The following CLIC4 variants were observed in gnomAD, a reference collection of about 807,000 sequenced individuals.
CLIC4 encodes chloride intracellular channel protein 4.
In CLIC4, 13 loss-of-function variants were observed where a neutral mutation model predicts 24.6. The observed-to-expected ratio is 0.53, with a 90% confidence interval of 0.34 to 0.84. CLIC4 has a LOEUF of 0.84. Ranked by LOEUF, CLIC4 falls within the 40% of genes least tolerant of loss-of-function variation. CLIC4 has a pLI of 0.01. For synonymous variants in CLIC4, 104 were observed against 111.3 expected (o/e 0.93, Z 0.41); for missense variants, 227 against 301.7 (o/e 0.75, Z 1.83).
intron 3 of CLIC4, among the ~76,000 whole-genome samples, chr1:24,814,709 C>T (rs149256234): frequency 2.6e-5 from 4 of 152,324 alleles, no homozygotes; most frequent in African/African-American, 9.6e-5. Context: ...TTTTTATTTA[C>T]TTACTTCTTT....
intron 3 of CLIC4, among the ~76,000 whole-genome samples, chr1:24,816,173 T>C (rs1270465621): frequency 6.6e-6 from 1 of 150,750 alleles, no homozygotes; most frequent in Non-Finnish European, 1.5e-5. Flanking sequence ...AGAATCCACT[T>C]CCTCCAAACT....
At chr1:24,793,131 T>A (rs1043447633) in intron 1 of CLIC4, 2 of 149,698 alleles carry the variant, frequency 1.3e-5, no homozygotes, top group Admixed American at 1.4e-4. Context: ...TGAGTCAGAC[T>A]AGTTCTTTGT....
At chr1:24,780,788 G>A (rs959612534) in intron 1 of CLIC4, among the ~76,000 whole-genome samples, 7 of 152,256 alleles carry the variant, frequency 4.6e-5, no homozygotes, top group African/African-American at 1.4e-4. Flanking sequence ...GAGAAGCTGG[G>A]ATAGAAACTG....
At chr1:24,792,183 T>G (rs925257852) in intron 1 of CLIC4, among the ~76,000 whole-genome samples, 3 of 151,228 alleles carry the variant, frequency 2.0e-5, no homozygotes, top group African/African-American at 7.3e-5. Context: ...TGTGTGTGTA[T>G]ATATATAATA....
At chr1:24,840,121 A>G (rs1425688315) in intron 5 of CLIC4, 80 bp downstream of exon 5, 2 of 1,349,396 alleles carry the variant, frequency 1.5e-6, no homozygotes, top group Non-Finnish European at 2.1e-6. Flanking sequence ...TGTGCTCAAA[A>G]CATTTCTGAT....
At chr1:24,799,169 C>T (rs1487927289) in intron 2 of CLIC4, among the ~76,000 whole-genome samples, 6 of 150,518 alleles carry the variant, frequency 4.0e-5, no homozygotes, top group Admixed American at 1.3e-4. Context: ...GGAGCGTCTC[C>T]GCCTGGCCGC....
rs777202508 is a variant in CLIC4, at chr1:24,814,172, T to A, written c.261T>A (p.Asp87Glu). ...CTTTCAACAGTGAAGTCAAAACGGATGTAAATAAGATTGAGGAATTTCTTG... is the reference window on the plus strand; with the variant it reads ...CTTTCAACAGTGAAGTCAAAACGGAAGTAAATAAGATTGAGGAATTTCTTG... ...FITFNSEVKT[D>E]VNKIEEFLEE... The change falls in exon 3 of 6, where the codon GAT becomes GAA. Residue 87 changes from aspartate to glutamate, a missense_variant. Asp to Glu is a conservative substitution (Grantham distance 45). Transcript: ENST00000374379. 1.2e-6 allele frequency: 2 copies of A among 1,614,088 alleles called. No homozygotes were observed. Among genetic ancestry groups the A allele is most frequent in the Non-Finnish European group, 1.7e-6 (2 of 1,179,972 alleles).
chr1:24,792,023 T>G (rs1234525412), intron 1 of CLIC4, among the ~76,000 whole-genome samples: 2 of 144,418 alleles, frequency 1.4e-5, no homozygotes, highest in Non-Finnish European at 3.0e-5. Flanking sequence ...TACTCCAGCC[T>G]GGGCAACAGA....
At chr1:24,794,432 C>G (rs1639375065) in intron 1 of CLIC4, among the ~76,000 whole-genome samples, 1 of 149,388 alleles carries the variant, frequency 6.7e-6, no homozygotes, top group Non-Finnish European at 1.5e-5. Context: ...TTGTTTTTCT[C>G]TAATGATCAG....
At chr1:24,766,066 C>T (rs1021583552) in intron 1 of CLIC4, among the ~76,000 whole-genome samples, 2 of 151,992 alleles carry the variant, frequency 1.3e-5, no homozygotes, top group Admixed American at 6.6e-5. Context: ...TGCAGTGGCG[C>T]GATCTCAGCT....
chr1:24,777,092 A>AT (rs1210173316), intron 1 of CLIC4, among the ~76,000 whole-genome samples: 1 of 152,050 alleles, frequency 6.6e-6, no homozygotes, highest in African/African-American at 2.4e-5. Context: ...GTGTGTGTGC[A>AT]TGTGTGGATG....
In CLIC4 at chr1:24,814,169, G is replaced by A. The variant is rs754416273; in HGVS notation, c.258G>A (p.Thr86=). 6.2e-6 allele frequency: 10 copies of A among 1,613,948 alleles called. No homozygotes were observed. Among genetic ancestry groups the A allele is most frequent in the South Asian group, 1.1e-5 (1 of 91,070 alleles). Residue 86 remains threonine, a synonymous_variant, in exon 3 of 6, where the codon ACG becomes ACA. Coordinates refer to ENST00000374379, the MANE Select transcript of CLIC4 (RefSeq NM_013943.3). ...TAACTTTCAACAGTGAAGTCAAAAC[G>A]GATGTAAATAAGATTGAGGAATTTC... is the stretch of plus-strand genomic sequence containing the variant. The part of the protein sequence containing the change: ...PFITFNSEVK[T]DVNKIEEFLE...
At chr1:24,804,391 T>G (rs1571252732) in intron 2 of CLIC4, among the ~76,000 whole-genome samples, 1 of 57,674 alleles carries the variant, frequency 1.7e-5, no homozygotes, top group Non-Finnish European at 3.4e-5. Flanking sequence ...TGTGTGTGGG[T>G]GGGTGGGTGG....
chr1:24,835,301 G>A (rs1639875671), intron 4 of CLIC4, among the ~76,000 whole-genome samples: 1 of 152,164 alleles, frequency 6.6e-6, no homozygotes, highest in Non-Finnish European at 1.5e-5. Context: ...GGTGGCTCAC[G>A]CCTGTAATCC....
chr1:24,766,113 T>C (rs1638992288), intron 1 of CLIC4, among the ~76,000 whole-genome samples: 2 of 152,140 alleles, frequency 1.3e-5, no homozygotes, highest in Admixed American at 1.3e-4. Context: ...TTCCAGCTAT[T>C]CTCCTGACTC....
At chr1:24,792,278 A>G (rs1380989152) in intron 1 of CLIC4, among the ~76,000 whole-genome samples, 1 of 151,580 alleles carries the variant, frequency 6.6e-6, no homozygotes, top group African/African-American at 2.4e-5. Context: ...GCAGTCTTGA[A>G]CTCCTGGGCT....
At chr1:24,794,892 A>G (rs1486781323) in intron 1 of CLIC4, among the ~76,000 whole-genome samples, 1 of 152,126 alleles carries the variant, frequency 6.6e-6, no homozygotes, top group Non-Finnish European at 1.5e-5. Flanking sequence ...AAGGAATCCA[A>G]TTTTAATCTT....
intron 2 of CLIC4, among the ~76,000 whole-genome samples, chr1:24,798,844 G>T (rs898334331): frequency 6.6e-6 from 1 of 152,218 alleles, no homozygotes; most frequent in African/African-American, 2.4e-5. Context: ...ACGGGGTTTC[G>T]CTGTGTTGGC....
intron 3 of CLIC4, among the ~76,000 whole-genome samples, chr1:24,821,758 T>A (rs571739303): frequency 7.9e-5 from 12 of 152,100 alleles, no homozygotes; most frequent in Non-Finnish European, 1.2e-4. Context: ...TCACTTTCAA[T>A]TGGAGTCTGA....
Sources: gnomAD v4.1 joint callset for allele counts (sites outside exome capture counted in the v4.1 genomes callset) on GRCh38, gnomAD v4.1.1 for gene constraint, MANE v1.5 for transcripts, NCBI Gene and HGNC (gene_info 2026-07-23, HGNC 2026-07-21) for gene names.